POLR2F: variants seen among roughly 807,000 people sequenced by gnomAD.
POLR2F encodes the protein DNA-directed RNA polymerases I, II, and III subunit RPABC2.
Under a neutral mutation model 22.7 loss-of-function variants are expected in POLR2F, and 12 were observed. The ratio of observed to expected loss-of-function variants is 0.53; its 90% CI spans 0.34 to 0.86. The LOEUF is 0.86. Ranked by LOEUF, POLR2F falls within the 40% of genes least tolerant of loss-of-function variation. POLR2F has a pLI of 0.02. For missense variants in POLR2F, 126 were observed against 171.5 expected (o/e 0.73, Z 1.48); for synonymous variants, 57 against 66.0 (o/e 0.86, Z 0.66).
intron 4 of POLR2F, chr22:37,977,762 G>A: frequency 7.7e-7 from 1 of 1,293,304 alleles, no homozygotes; most frequent in Non-Finnish European, 1.1e-6. Context: ...CAACTGCACA[G>A]CCTGGCACGC....
chr22:37,953,896 G>C, intron 1 of POLR2F, 89 bp downstream of exon 1: 6 of 1,465,234 alleles, frequency 4.1e-6, no homozygotes, highest in Non-Finnish European at 4.7e-6. Context: ...CTGGCGTCTA[G>C]GGGCAATGTC....
At chr22:37,983,795 G>T, upstream of POLR2F, 1 of 1,378,570 alleles carries the variant, frequency 7.3e-7, no homozygotes, top group Non-Finnish European at 9.4e-7. The surrounding 1 kb of genome is among the most constrained non-coding windows in gnomAD (Gnocchi z 9.5). Flanking sequence ...GTCGCCCCCG[G>T]CCGCCGCCGC....
At chr22:38,003,491 T>A (rs1188113540) in intron 1 of POLR2F, among the ~76,000 whole-genome samples, 1 of 151,788 alleles carries the variant, frequency 6.6e-6, no homozygotes, top group Non-Finnish European at 1.5e-5. Context: ...CCTCCCAAAG[T>A]GCTGGGATTA....
At chr22:38,018,993 C>T (rs2145818263) in intron 1 of POLR2F, among the ~76,000 whole-genome samples, 1 of 152,154 alleles carries the variant, frequency 6.6e-6, no homozygotes, top group Non-Finnish European at 1.5e-5. Context: ...CCTGGGGATG[C>T]TTTGGGGCTG....
At chr22:37,982,042 G>C (rs75592793), upstream of POLR2F, among the ~76,000 whole-genome samples, 3,777 of 152,312 alleles carry the variant, frequency 0.025, 156 homozygotes, top group African/African-American at 0.086. Flanking sequence ...TGGCTGGCAA[G>C]GGGGAGGGCA....
At chr22:38,007,856 C>T (rs374833938) in intron 1 of POLR2F, among the ~76,000 whole-genome samples, 1 of 152,224 alleles carries the variant, frequency 6.6e-6, no homozygotes, top group Admixed American at 6.5e-5. Context: ...CTGAGGCCTG[C>T]GCGAGTGAGT....
chr22:38,036,196 C>T (rs976889630), intron 5 of POLR2F, among the ~76,000 whole-genome samples: 1 of 151,686 alleles, frequency 6.6e-6, no homozygotes, highest in East Asian at 1.9e-4. Flanking sequence ...AGGCTGGTCT[C>T]GAGCCCCTGA....
At chr22:38,022,508 G>A (rs1193732027) in intron 1 of POLR2F, among the ~76,000 whole-genome samples, 2 of 143,654 alleles carry the variant, frequency 1.4e-5, no homozygotes, top group South Asian at 2.2e-4. Context: ...CCGAGATTGC[G>A]TCACTGCACT....
chr22:38,030,491 G>A (rs949818266), downstream of POLR2F, among the ~76,000 whole-genome samples: 1 of 152,178 alleles, frequency 6.6e-6, no homozygotes, highest in Non-Finnish European at 1.5e-5. Context: ...CCAGCGCACT[G>A]CCACACCCTG....
chr22:37,969,618 G>A (rs1030286607), downstream of POLR2F, among the ~76,000 whole-genome samples: 12 of 152,244 alleles, frequency 7.9e-5, no homozygotes, highest in African/African-American at 2.6e-4. Flanking sequence ...ATCCCACGGC[G>A]AGCAGGAGTA....
intron 1 of POLR2F, among the ~76,000 whole-genome samples, chr22:37,995,773 G>A (rs1181101314): frequency 2.6e-5 from 4 of 151,366 alleles, no homozygotes; most frequent in African/African-American, 9.7e-5. Flanking sequence ...AGGAGTTGAA[G>A]ACCACCCTGG....
intron 1 of POLR2F, among the ~76,000 whole-genome samples, chr22:37,955,936 C>G (rs944411748): frequency 6.6e-6 from 1 of 152,012 alleles, no homozygotes; most frequent in African/African-American, 2.4e-5. Context: ...GCACCCACCT[C>G]GGCCTCTCAA....
chr22:38,041,025 T>G (rs1170919662), intron 5 of POLR2F: 1 of 1,612,682 alleles, frequency 6.2e-7, no homozygotes, highest in Non-Finnish European at 8.5e-7. Context: ...CTCAACACAG[T>G]GAAGGAAGAC....
chr22:37,989,703 C>T (rs1227189378), intron 1 of POLR2F, among the ~76,000 whole-genome samples: 3 of 152,228 alleles, frequency 2.0e-5, no homozygotes, highest in East Asian at 1.9e-4. Context: ...GGCCTGAGCT[C>T]GCCCAGCGAA....
At chr22:38,014,136 A>AG (rs911318431) in intron 1 of POLR2F, among the ~76,000 whole-genome samples, 16 of 151,678 alleles carry the variant, frequency 1.1e-4, no homozygotes, top group African/African-American at 3.6e-4. Context: ...AAAAAAAAAA[A>AG]AAAAAGAAAA....
intron 4 of POLR2F, among the ~76,000 whole-genome samples, chr22:37,979,622 C>T (rs1932333629): frequency 6.6e-6 from 1 of 152,104 alleles, no homozygotes; most frequent in African/African-American, 2.4e-5. Flanking sequence ...GCTAGCCTCT[C>T]CTCAGACCCT....
At chr22:38,014,517 A>AT (rs777065352) in intron 1 of POLR2F, among the ~76,000 whole-genome samples, 1,857 of 138,832 alleles carry the variant, frequency 0.013, 29 homozygotes, top group African/African-American at 0.034. Context: ...CGCCCGGCTA[A>AT]TTTTTTTTTT....
At chr22:38,015,399 T>C (rs980185631) in intron 1 of POLR2F, among the ~76,000 whole-genome samples, 2 of 152,100 alleles carry the variant, frequency 1.3e-5, no homozygotes, top group Admixed American at 1.3e-4. Flanking sequence ...TCTTCCTTCG[T>C]CTAGTTTGAG....
intron 1 of POLR2F, among the ~76,000 whole-genome samples, chr22:38,023,684 T>TC (rs2084980372): frequency 6.6e-6 from 1 of 152,008 alleles, no homozygotes; most frequent in Non-Finnish European, 1.5e-5. Context: ...TGCTTTTTTT[T>TC]CTTTTTGGGA....
Sources: gnomAD v4.1 joint callset for allele counts (sites outside exome capture counted in the v4.1 genomes callset) on GRCh38, gnomAD v4.1.1 for gene constraint, Gnocchi (gnomAD v3.1) non-coding constraint, MANE v1.5 for transcripts, NCBI Gene and HGNC (gene_info 2026-07-23, HGNC 2026-07-21) for gene names.